Variants in AGAP1 observed in about 807,000 individuals in gnomAD.
AGAP1 encodes the protein ArfGAP with GTPase domain, ankyrin repeat and PH domain 1, also known as arf-GAP with GTPase, ANK repeat and PH domain-containing protein 1.
A neutral mutation model predicts 105.3 loss-of-function variants in AGAP1; 29 were observed. That is an observed-to-expected ratio of 0.28 (90% confidence interval 0.21 to 0.38). The LOEUF (loss-of-function observed/expected upper bound fraction) is 0.38. Ranked by LOEUF, AGAP1 falls within the 10% of genes least tolerant of loss-of-function variation. AGAP1 has a pLI of 1.00. For synonymous variants in AGAP1, 509 were observed against 485.9 expected, an observed-to-expected ratio of 1.05 and a Z score of -0.63; for missense variants, 998 against 1,165.1, an observed-to-expected ratio of 0.86 and a Z score of 2.09.
rs1395893547 is a variant in AGAP1 at position 235,904,920 on chromosome 2, T to A, written c.1156-3818T>A. Among the ~76,000 whole-genome samples, 4 of 152,184 alleles carry A rather than the reference T, an allele frequency of 2.6e-5. No homozygotes were observed. The highest frequency in any genetic ancestry group is 4.4e-5 in the Non-Finnish European group (3 of 68,024). Reference sequence around the variant, plus strand: ...ATGCATTTTGTAAAATTTTTAAAAATGTGCAGTGCCTTGAAATATAAGAAT... The same window carrying A: ...ATGCATTTTGTAAAATTTTTAAAAAAGTGCAGTGCCTTGAAATATAAGAAT... On this transcript the variant is annotated intron_variant, in intron 10 of 17. Coordinates refer to ENST00000304032, the MANE Select transcript of AGAP1 (RefSeq NM_001037131.3). The surrounding 1 kb of genome is among the most constrained non-coding windows in gnomAD (Gnocchi z 4.2).
intron 9 of AGAP1, among the ~76,000 whole-genome samples, chr2:235,871,950 C>G (rs1400755365): frequency 2.0e-5 from 3 of 152,202 alleles, no homozygotes; most frequent in Non-Finnish European, 4.4e-5. Flanking sequence ...CTTTGGAGAA[C>G]AGATACCACG....
chr2:235,542,423 A>G (rs922727356), intron 1 of AGAP1, among the ~76,000 whole-genome samples: 22 of 152,232 alleles, frequency 1.4e-4, no homozygotes, highest in South Asian at 2.1e-4. Flanking sequence ...AGACAGCGCC[A>G]TCTCTACCGG....
chr2:235,558,343 C>G lies in AGAP1; in HGVS notation c.163+63494C>G, dbSNP rs1354122187. Among the ~76,000 whole-genome samples, 64 of 152,156 alleles carry G rather than the reference C, an allele frequency of 4.2e-4. 1 individual carries two copies. Among genetic ancestry groups the G allele is most frequent in the Admixed American group, 4.0e-3 (61 of 15,276 alleles). ...TGACAGGCTTCTGTGCTTTGGAGACCTCTGTGTGTCTTTCTTGGTTTTGGT... is the reference window on the plus strand; with the variant it reads ...TGACAGGCTTCTGTGCTTTGGAGACGTCTGTGTGTCTTTCTTGGTTTTGGT... On this transcript the variant is annotated intron_variant, in intron 1 of 17. Transcript: ENST00000304032.
intron 9 of AGAP1, among the ~76,000 whole-genome samples, chr2:235,852,158 C>T (rs1477705823): frequency 6.6e-6 from 1 of 152,148 alleles, no homozygotes; most frequent in Admixed American, 6.5e-5. Flanking sequence ...GCTCATTTTT[C>T]CCCCGTTTCT....
chr2:235,708,257 G>A (rs989474780), intron 1 of AGAP1, among the ~76,000 whole-genome samples: 7 of 152,198 alleles, frequency 4.6e-5, no homozygotes, highest in Admixed American at 3.3e-4. Flanking sequence ...CTATCAGTGG[G>A]ATGCACCTCC....
chr2:235,563,199 C>T (rs951777293), intron 1 of AGAP1, among the ~76,000 whole-genome samples: 1 of 152,214 alleles, frequency 6.6e-6, no homozygotes, highest in African/African-American at 2.4e-5. Context: ...TGCCTCGCAC[C>T]CTCCGAGCTG....
At chr2:235,688,496 TG>T (rs1318210624) in intron 1 of AGAP1, among the ~76,000 whole-genome samples, 2 of 152,154 alleles carry the variant, frequency 1.3e-5, no homozygotes, top group African/African-American at 4.8e-5. Context: ...CTGCCTCTCT[TG>T]GGGTACTTTA....
At chr2:235,709,974 C>T (rs575938573) in intron 2 of AGAP1, among the ~76,000 whole-genome samples, 43 of 152,090 alleles carry the variant, frequency 2.8e-4, no homozygotes, top group African/African-American at 8.9e-4. Context: ...GTCTAATTTC[C>T]GTGTGTATGT....
intron 8 of AGAP1, among the ~76,000 whole-genome samples, chr2:235,806,463 A>G (rs774115553): frequency 1.6e-4 from 25 of 152,052 alleles, no homozygotes; most frequent in Non-Finnish European, 2.9e-4. Flanking sequence ...GTTTTACCCA[A>G]GTCAAGGTGC....
rs1951277924 is a variant in AGAP1, at chr2:235,719,513, T to TC, written c.310+1872dup. On this transcript the variant is annotated intron_variant, in intron 3 of 17. Coordinates refer to ENST00000304032, the MANE Select transcript of AGAP1 (RefSeq NM_001037131.3). This position sits in a 1 kb window ranked among gnomAD's most constrained non-coding sequence, Gnocchi z 4.9. ...GGGTGACCTAAACTGATCACTAACA[T>TC]CCCTGCTTCTTTGATTTTTCAAGTA... Among the ~76,000 whole-genome samples, 2 of 152,344 alleles carry TC rather than the reference T, an allele frequency of 1.3e-5. No individual in the cohort carries two copies. The highest frequency in any genetic ancestry group is 4.1e-4 in the South Asian group (2 of 4,824).
Position 236,003,612 on chromosome 2 carries a change from C to T in AGAP1, c.1646-32949C>T, listed in dbSNP as rs1350023785. ...AAGTCCCACATCCAAGCTCCCTCCA[C>T]CCCACACTCTCCCTTGGATTTGCGC... On this transcript the variant is annotated intron_variant, in intron 13 of 17. Coordinates refer to ENST00000304032, the MANE Select transcript of AGAP1 (RefSeq NM_001037131.3). The surrounding 1 kb of genome is among the most constrained non-coding windows in gnomAD (Gnocchi z 4.2). Among the ~76,000 whole-genome samples the T allele has an allele frequency of 1.3e-5, 2 of 152,234 alleles. No homozygotes were observed. The highest frequency in any genetic ancestry group is 2.9e-5 in the Non-Finnish European group (2 of 68,040).
At chr2:235,525,193 T>G (rs997809698) in intron 1 of AGAP1, among the ~76,000 whole-genome samples, 1 of 152,250 alleles carries the variant, frequency 6.6e-6, no homozygotes, top group African/African-American at 2.4e-5. Flanking sequence ...GATATTGATA[T>G]GATCTTAAGC....
chr2:236,084,811 G>A (rs2058881645), intron 16 of AGAP1, among the ~76,000 whole-genome samples: 2 of 152,010 alleles, frequency 1.3e-5, no homozygotes, highest in Non-Finnish European at 2.9e-5. Context: ...GGCTGAGGTG[G>A]GAGAATCACT....
intron 9 of AGAP1, chr2:235,853,335 GA>G (rs1422558463): frequency 1.7e-6 from 1 of 582,014 alleles, no homozygotes; most frequent in Non-Finnish European, 2.2e-6. Context: ...TAGGAACAGG[GA>G]ATGTTGTGAC....
At chr2:235,547,626 TG>T (rs2149108031) in intron 1 of AGAP1, among the ~76,000 whole-genome samples, 1 of 152,336 alleles carries the variant, frequency 6.6e-6, no homozygotes, top group African/African-American at 2.4e-5. Flanking sequence ...CCCAAAATAC[TG>T]GGATTACAGG....
chr2:236,083,147 C>G lies in AGAP1; in HGVS notation c.2114+33866C>G, dbSNP rs1437244283. 6.8e-6 allele frequency among the ~76,000 whole-genome samples: 1 copy of G among 148,086 alleles called. No homozygotes were observed. ...TCCAGCCTAGGCAACGAGCGAAATT[C>G]CATCTCAAAAAAAAAGAAAAAGAAA... On this transcript the variant is annotated intron_variant, in intron 16 of 17. Coordinates refer to ENST00000304032, the MANE Select transcript of AGAP1 (RefSeq NM_001037131.3). This position sits in a 1 kb window ranked among gnomAD's most constrained non-coding sequence, Gnocchi z 5.3.
Position 235,919,694 on chromosome 2 carries a change from G to T in AGAP1, c.1324+10788G>T, listed in dbSNP as rs2052076135. 6.6e-6 allele frequency among the ~76,000 whole-genome samples: 1 copy of T among 152,044 alleles called. No individual in the cohort carries two copies. The highest frequency in any genetic ancestry group is 1.5e-5 in the Non-Finnish European group (1 of 68,022). Reference sequence around the variant, plus strand: ...CAAAACAGTGTTGTCAAATGAAAATGAATTTCATGTTAAAAACACACACAC... The same window carrying T: ...CAAAACAGTGTTGTCAAATGAAAATTAATTTCATGTTAAAAACACACACAC... On this transcript the variant is annotated intron_variant, in intron 11 of 17. Coordinates refer to ENST00000304032, the MANE Select transcript of AGAP1 (RefSeq NM_001037131.3). This position sits in a 1 kb window ranked among gnomAD's most constrained non-coding sequence, Gnocchi z 4.1.
Position 235,754,215 on chromosome 2 carries a change from AC to A in AGAP1, c.673+3728del. ...CCTTAAGAACACACCAGCTTTGCCCACAGGTCTGGGGAGGGCCTTGCAGGGG... is the reference window on the plus strand; with the variant it reads ...CCTTAAGAACACACCAGCTTTGCCCAAGGTCTGGGGAGGGCCTTGCAGGGG... On this transcript the variant is annotated intron_variant, in intron 6 of 17. Transcript: ENST00000304032. The surrounding 1 kb of genome is among the most constrained non-coding windows in gnomAD (Gnocchi z 4.6). Among the ~76,000 whole-genome samples, 2 of 152,258 alleles carry A rather than the reference AC, an allele frequency of 1.3e-5. No homozygotes were observed. Among genetic ancestry groups the A allele is most frequent in the South Asian group, 4.1e-4 (2 of 4,824 alleles).
chr2:235,829,891 G>C (rs761481577), intron 9 of AGAP1, among the ~76,000 whole-genome samples: 3 of 152,158 alleles, frequency 2.0e-5, no homozygotes, highest in Non-Finnish European at 2.9e-5. Flanking sequence ...AATAGAGAGT[G>C]GGTGTCAGTG....
Sources: allele counts gnomAD v4.1 joint callset (sites outside exome capture counted in the v4.1 genomes callset), GRCh38; gene constraint gnomAD v4.1.1; non-coding constraint Gnocchi (gnomAD v3.1); transcripts MANE v1.5; gene names NCBI Gene and HGNC (gene_info 2026-07-23, HGNC 2026-07-21).